Variants in ROBO4 observed in about 807,000 individuals in gnomAD.
The protein encoded by ROBO4 is roundabout guidance receptor 4.
ROBO4 carries 80 observed loss-of-function variants against 103.3 expected under a neutral mutation model. The observed-to-expected ratio is 0.77, with a 90% CI of 0.65 to 0.93. The LOEUF is 0.93. ROBO4 is among the 40% of genes least tolerant of loss of function. ROBO4 has a pLI of 0.00. For missense variants in ROBO4, 1,333 were observed against 1,305.3 expected (o/e 1.02, Z -0.33); for synonymous variants, 504 against 529.7 (o/e 0.95, Z 0.67).
At chr11:124,895,420 G>T in intron 6 of ROBO4, 37 bp downstream of exon 6, 1 of 1,574,094 alleles carries the variant, frequency 6.4e-7, no homozygotes, top group South Asian at 1.1e-5. Context: ...GGAGCCAGAG[G>T]GGATATTGTT....
chr11:124,887,305 C>G (rs929331940), intron 14 of ROBO4, 53 bp downstream of exon 14: 1 of 1,611,476 alleles, frequency 6.2e-7, no homozygotes, highest in African/African-American at 1.3e-5. Flanking sequence ...CCGGCACACA[C>G]TCCCCACACC....
In ROBO4 at chr11:124,887,728, C is replaced by T; in HGVS notation, c.2056+5G>A. ...TTCACTTCCCTTTCAGGGACCCCCT[C>T]TCACCTGGGCTTTGGGAAAGGTTCT... On this transcript the variant is annotated splice_donor_5th_base_variant and intron_variant, in intron 13 of 17. Coordinates refer to ENST00000306534, the MANE Select transcript of ROBO4 (RefSeq NM_019055.6). 1.2e-6 allele frequency: 2 copies of T among 1,613,536 alleles called. No individual in the cohort carries two copies. Among genetic ancestry groups the T allele is most frequent in the Non-Finnish European group, 1.7e-6 (2 of 1,179,624 alleles).
chr11:124,887,913 A>G, intron 12 of ROBO4, 73 bp from the exon 13 acceptor site: 1 of 1,280,940 alleles, frequency 7.8e-7, no homozygotes, highest in Non-Finnish European at 1.1e-6. Flanking sequence ...CTCTATCTTC[A>G]GCCTTATTCA....
intron 10 of ROBO4, chr11:124,893,163 C>T (rs993576562): frequency 3.0e-5 from 5 of 165,144 alleles, no homozygotes; most frequent in African/African-American, 1.2e-4. Flanking sequence ...CCCAGAACTG[C>T]AGACTTGTTC....
intron 10 of ROBO4, chr11:124,892,020 AGTC>A: frequency 1.4e-6 from 1 of 707,606 alleles, no homozygotes; most frequent in Non-Finnish European, 2.6e-6. Context: ...GGGAAATCCG[AGTC>A]ACCCAGAGCT....
chr11:124,895,453 T>A lies in ROBO4; in HGVS notation c.1036+4A>T. ...GTTGGCTTCTGAAGGGATCAGGCCC[T>A]GACCTTTTTCCGGCAGCCTCAGGAG... On this transcript the variant is annotated splice_donor_region_variant and intron_variant, in intron 6 of 17. Coordinates refer to ENST00000306534, the MANE Select transcript of ROBO4 (RefSeq NM_019055.6). 6.2e-7 allele frequency: 1 copy of A among 1,608,616 alleles called. No individual in the cohort carries two copies. Among genetic ancestry groups the A allele is most frequent in the Non-Finnish European group, 8.5e-7 (1 of 1,179,760 alleles).
chr11:124,897,541 TTCTC>T lies in ROBO4; in HGVS notation c.70+181_70+184del, dbSNP rs989895761. 20 of 587,626 alleles carry T rather than the reference TTCTC, an allele frequency of 3.4e-5. No individual in the cohort carries two copies. The Middle Eastern group carries it at 1.9e-3, about 54-fold the overall frequency. 36.4% of individuals were successfully genotyped at this position (587,626 alleles called of 1,614,324 possible). On this transcript the variant is annotated intron_variant, in intron 1 of 17. Coordinates refer to ENST00000306534, the MANE Select transcript of ROBO4 (RefSeq NM_019055.6). The stretch of plus-strand genomic sequence containing the variant: ...TCTCTCTCAGTCTCTCTTTCCTTCT[TTCTC>T]TCTCTGGTGTGTGCGCACATGCACA...
intron 10 of ROBO4, 163 bp from the exon 11 acceptor site, chr11:124,891,965 A>T (rs575239423): frequency 3.5e-6 from 3 of 849,072 alleles, no homozygotes; most frequent in South Asian, 1.4e-5. Flanking sequence ...AAGATCTCTG[A>T]CCTGGTCCCC....
At chr11:124,895,325 C>T (rs1946865859) in intron 6 of ROBO4, 132 bp from the exon 7 acceptor site, 2 of 1,165,394 alleles carry the variant, frequency 1.7e-6, no homozygotes, top group Admixed American at 4.0e-5. Flanking sequence ...GCTGGCCTGG[C>T]CAGGGCAGAA....
chr11:124,895,249 A>G (rs1946864792), intron 6 of ROBO4, 56 bp from the exon 7 acceptor site: 1 of 1,414,192 alleles, frequency 7.1e-7, no homozygotes, highest in Non-Finnish European at 1.0e-6. Context: ...CTCTAGGGAA[A>G]GGAGCTGGGC....
intron 10 of ROBO4, 69 bp downstream of exon 10, chr11:124,893,619 C>G: frequency 7.0e-7 from 1 of 1,430,292 alleles, no homozygotes; most frequent in Non-Finnish European, 9.9e-7. Flanking sequence ...GTACTCCATT[C>G]TTCTCTGTTG....
At chr11:124,891,998 T>C in intron 10 of ROBO4, 196 bp from the exon 11 acceptor site, 1 of 732,658 alleles carries the variant, frequency 1.4e-6, no homozygotes, top group Non-Finnish European at 2.4e-6. Flanking sequence ...CCCTTTCTTA[T>C]TCCTGGATGA....
intron 13 of ROBO4, 21 bp from the exon 14 acceptor site, chr11:124,887,520 T>A (rs764352834): frequency 1.4e-4 from 223 of 1,612,846 alleles, no homozygotes; most frequent in Non-Finnish European, 1.8e-4. Flanking sequence ...GAAGCCTGGG[T>A]GTGAGAACAG....
At chr11:124,885,660 G>A (rs1946700565) in intron 16 of ROBO4, among the ~76,000 whole-genome samples, 1 of 151,932 alleles carries the variant, frequency 6.6e-6, no homozygotes. Flanking sequence ...TGCATGTGGG[G>A]AAGGGACACC....
Position 124,894,252 on chromosome 11 carries a change from C to T in ROBO4, c.1267G>A (p.Val423Ile). The change falls in exon 8 of 18, where the codon GTC becomes ATC. Residue 423 changes from valine to isoleucine, a missense_variant. Val to Ile is a conservative substitution (Grantham distance 29). Coordinates refer to ENST00000306534, the MANE Select transcript of ROBO4 (RefSeq NM_019055.6). Reference protein sequence around the residue: ...PGSYCVQVAAVTGAGAGEPSR... With the variant: ...PGSYCVQVAAITGAGAGEPSR... ...GGCTCCCCAGCTCCAGCACCAGTGACTGCAGCCACTTGCACGCAGTAGGAG... is the reference window on the plus strand; with the variant it reads ...GGCTCCCCAGCTCCAGCACCAGTGATTGCAGCCACTTGCACGCAGTAGGAG... 1 of 1,614,052 alleles carries T rather than the reference C, an allele frequency of 6.2e-7. No homozygotes were observed. The highest frequency in any genetic ancestry group is 1.1e-5 in the South Asian group (1 of 91,076).
intron 12 of ROBO4, among the ~76,000 whole-genome samples, chr11:124,888,538 C>T (rs989550805): frequency 6.6e-6 from 1 of 152,178 alleles, no homozygotes; most frequent in Non-Finnish European, 1.5e-5. Context: ...ATTGGTCTAT[C>T]CCAGGGACGC....
At chr11:124,895,272 C>T (rs12421354) in intron 6 of ROBO4, 79 bp from the exon 7 acceptor site, 199,659 of 1,247,086 alleles carry the variant, frequency 0.16, 16,735 homozygotes, top group South Asian at 0.21. Flanking sequence ...GGGGACACAG[C>T]GTCAGAACCC....
chr11:124,897,108 A>G lies in ROBO4; in HGVS notation c.224T>C (p.Val75Ala), dbSNP rs750284216. Residue 75 changes from valine to alanine, a missense_variant, in exon 2 of 18, where the codon GTG becomes GCG. Val to Ala is a moderately conservative substitution (Grantham distance 64). Transcript: ENST00000306534. Reference sequence around the variant, plus strand: ...CAGGAGGTGGTGTGGGTCTGGGGGCACCATGCTCAGGGGCTGCCCATTCAG... The same window carrying G: ...CAGGAGGTGGTGTGGGTCTGGGGGCGCCATGCTCAGGGGCTGCCCATTCAG... ...WLLNGQPLSMVPPDPHHLLPD... is the reference protein window; with the variant it reads ...WLLNGQPLSMAPPDPHHLLPD... 1 of 1,595,174 alleles carries G rather than the reference A, an allele frequency of 6.3e-7. No homozygotes were observed. Among genetic ancestry groups the G allele is most frequent in the East Asian group, 2.2e-5 (1 of 44,582 alleles).
chr11:124,886,366 T>C, intron 16 of ROBO4, 98 bp downstream of exon 16: 1 of 926,214 alleles, frequency 1.1e-6, no homozygotes, highest in South Asian at 1.6e-5. Context: ...ACAATAATCA[T>C]TCAATAAAAC....
Sources: allele counts gnomAD v4.1 joint callset (sites outside exome capture counted in the v4.1 genomes callset), GRCh38; gene constraint gnomAD v4.1.1; transcripts MANE v1.5; gene names NCBI Gene and HGNC (gene_info 2026-07-23, HGNC 2026-07-21).